The following RGL1 variants were observed in gnomAD, a reference collection of about 807,000 sequenced individuals.
RGL1 encodes ral guanine nucleotide dissociation stimulator like 1, also known as ral guanine nucleotide dissociation stimulator-like 1.
Under a neutral mutation model 95.2 loss-of-function variants are expected in RGL1, and 24 were observed. The ratio of observed to expected loss-of-function variants is 0.25; its 90% CI spans 0.18 to 0.35. The LOEUF is 0.35. RGL1 is among the 10% of genes least tolerant of loss of function. The pLI is 1.00. For synonymous variants in RGL1, 329 were observed against 344.9 expected (o/e 0.95, Z 0.51); for missense variants, 715 against 936.3 (o/e 0.76, Z 3.08).
intron 3 of RGL1, among the ~76,000 whole-genome samples, chr1:183,849,328 G>C (rs888980620): frequency 6.6e-6 from 1 of 152,024 alleles, no homozygotes; most frequent in Non-Finnish European, 1.5e-5. Flanking sequence ...AAAAGGCTTA[G>C]AACAGTGGCT....
chr1:183,821,783 T>C (rs1662508252), intron 2 of RGL1, among the ~76,000 whole-genome samples: 2 of 152,310 alleles, frequency 1.3e-5, no homozygotes, highest in Non-Finnish European at 2.9e-5. Flanking sequence ...GAATGACTTT[T>C]GTCTGGTTAC....
chr1:183,795,010 C>A (rs2500098), intron 2 of RGL1, among the ~76,000 whole-genome samples: 53,425 of 151,762 alleles, frequency 0.35, 10,468 homozygotes, highest in South Asian at 0.56. Flanking sequence ...TTATTTATAT[C>A]ATTCAACTAT....
chr1:183,891,748 T>TG (rs1667433873), intron 8 of RGL1, among the ~76,000 whole-genome samples: 1 of 116,520 alleles, frequency 8.6e-6, no homozygotes, highest in Non-Finnish European at 1.8e-5. Flanking sequence ...TTTTTTTTTT[T>TG]TTTTTTTTTT....
intron 1 of RGL1, among the ~76,000 whole-genome samples, chr1:183,670,561 G>T (rs1182951534): frequency 6.6e-6 from 1 of 152,112 alleles, no homozygotes; most frequent in Non-Finnish European, 1.5e-5. Context: ...TACAGTTCAG[G>T]TTTTCCTATC....
At chr1:183,832,387 G>T (rs1040231221) in intron 2 of RGL1, among the ~76,000 whole-genome samples, 2 of 152,204 alleles carry the variant, frequency 1.3e-5, no homozygotes, top group Non-Finnish European at 2.9e-5. Flanking sequence ...GGTGAATGTG[G>T]TAATTGGAAA....
chr1:183,655,287 T>C (rs1294672663), intron 1 of RGL1, among the ~76,000 whole-genome samples: 1 of 152,254 alleles, frequency 6.6e-6, no homozygotes, highest in African/African-American at 2.4e-5. Context: ...TGTGTGTTGC[T>C]AGTTACTGCT....
At chr1:183,916,821 C>T in intron 16 of RGL1, 120 bp downstream of exon 16, 1 of 1,143,708 alleles carries the variant, frequency 8.7e-7, no homozygotes, top group Non-Finnish European at 1.2e-6. Context: ...TACATATATG[C>T]ATTCACACAG....
At chr1:183,901,086 G>A (rs1043705060) in intron 11 of RGL1, among the ~76,000 whole-genome samples, 11 of 151,812 alleles carry the variant, frequency 7.2e-5, no homozygotes, top group African/African-American at 2.7e-4. Context: ...AGATCATGAG[G>A]TCAGGAGTTC....
rs934186273 is a variant in RGL1, at chr1:183,897,961, C to G, written c.1230+64C>G. The G allele has an allele frequency of 1.1e-5, 15 of 1,370,944 alleles. No individual in the cohort carries two copies. The East Asian group carries it at 3.2e-4, about 30-fold the overall frequency. The allele number at this position is 1,370,944 out of a possible 1,614,324, so 84.9% of individuals were successfully genotyped here. ...GAGAAGGGCCGTGTGCGTCTGGGCT[C>G]CCACATGGCACTGGCACCTTCAGTC... On this transcript the variant is annotated intron_variant, in intron 10 of 17. Coordinates refer to ENST00000360851, the MANE Select transcript of RGL1 (RefSeq NM_001297671.3).
chr1:183,701,474 T>C (rs538010739), intron 1 of RGL1, among the ~76,000 whole-genome samples: 9 of 152,280 alleles, frequency 5.9e-5, no homozygotes, highest in Admixed American at 5.2e-4. Flanking sequence ...GTATGGTCTA[T>C]CAAGAAAGGC....
chr1:183,794,564 A>C (rs970531264), intron 2 of RGL1, among the ~76,000 whole-genome samples: 9 of 152,326 alleles, frequency 5.9e-5, no homozygotes, highest in African/African-American at 2.2e-4. Flanking sequence ...TATCAATAAA[A>C]AAGTCCTCTT....
At chr1:183,773,296 A>C (rs1322334858) in intron 2 of RGL1, among the ~76,000 whole-genome samples, 1 of 149,890 alleles carries the variant, frequency 6.7e-6, no homozygotes, top group Non-Finnish European at 1.5e-5. Context: ...TATTTGTTTT[A>C]TATTCTTTTC....
In RGL1 at chr1:183,654,434, T is replaced by C. The variant is rs572481854; in HGVS notation, c.-33+17933T>C. Among the ~76,000 whole-genome samples the C allele has an allele frequency of 3.3e-5, 5 of 152,356 alleles. No homozygotes were observed. The South Asian group carries it at 1.0e-3, about 32-fold the overall frequency. ...TAGCTCATCTTTTATTTAATCCTAA[T>C]AAATGACAATCTATTGCAAACATTA... On this transcript the variant is annotated intron_variant, in intron 1 of 18. Coordinates refer to the RGL1 transcript ENST00000304685.
intron 1 of RGL1, among the ~76,000 whole-genome samples, chr1:183,699,596 C>T (rs921425753): frequency 1.3e-5 from 2 of 152,044 alleles, no homozygotes; most frequent in Non-Finnish European, 2.9e-5. Flanking sequence ...ATCCAGGATC[C>T]CTTCTATCCC....
intron 1 of RGL1, among the ~76,000 whole-genome samples, chr1:183,730,101 T>C (rs372047739): frequency 2.0e-5 from 3 of 152,302 alleles, no homozygotes; most frequent in African/African-American, 7.2e-5. Flanking sequence ...TAACATGAGA[T>C]ATGTAAACTA....
intron 17 of RGL1, among the ~76,000 whole-genome samples, chr1:183,925,097 G>T (rs1272689638): frequency 6.6e-6 from 1 of 152,140 alleles, no homozygotes; most frequent in Non-Finnish European, 1.5e-5. Flanking sequence ...GTCTAGTTGG[G>T]AATCATTGAA....
intron 8 of RGL1, among the ~76,000 whole-genome samples, chr1:183,890,361 G>T (rs2102666825): frequency 6.6e-6 from 1 of 152,258 alleles, no homozygotes; most frequent in Admixed American, 6.5e-5. Flanking sequence ...GCTGCCATAT[G>T]AAAAGATTTA....
At chr1:183,670,439 T>C (rs752617986) in intron 1 of RGL1, among the ~76,000 whole-genome samples, 37 of 152,336 alleles carry the variant, frequency 2.4e-4, no homozygotes, top group Non-Finnish European at 4.6e-4. Context: ...TGCTGTCAGG[T>C]AGAGCTCCTG....
In RGL1 at chr1:183,880,481, A is replaced by T. The variant is rs1178390830; in HGVS notation, c.426-135A>T. 7.8e-6 allele frequency: 5 copies of T among 639,450 alleles called. No individual in the cohort carries two copies. The Admixed American group carries it at 1.2e-4, about 15-fold the overall frequency. The allele number at this position is 639,450 out of a possible 1,614,324, so 39.6% of individuals were successfully genotyped here. On this transcript the variant is annotated intron_variant, in intron 4 of 17. Coordinates refer to ENST00000360851, the MANE Select transcript of RGL1 (RefSeq NM_001297671.3). ...TTTAAATCCATTGATGTTTCTAGGAACTTTTGGATGAATGATCTGTTGACC... is the reference window on the plus strand; with the variant it reads ...TTTAAATCCATTGATGTTTCTAGGATCTTTTGGATGAATGATCTGTTGACC...
Sources: gnomAD v4.1 joint callset for allele counts (sites outside exome capture counted in the v4.1 genomes callset) on GRCh38, gnomAD v4.1.1 for gene constraint, MANE v1.5 for transcripts, NCBI Gene and HGNC (gene_info 2026-07-23, HGNC 2026-07-21) for gene names.